The following MAPK6 variants were observed in gnomAD, a reference collection of about 807,000 sequenced individuals.
MAPK6 encodes the protein ERK-3.
In MAPK6, 19 loss-of-function variants were observed where a neutral mutation model predicts 59.3. That is an observed-to-expected ratio of 0.32 (90% CI 0.22 to 0.47). MAPK6 has a LOEUF of 0.47. Among genes scored for constraint, MAPK6 ranks in the 20% least tolerant of loss-of-function variants. The probability of loss-of-function intolerance (pLI) is 1.00; values close to 1 mark genes in which losing one functional copy is unlikely to be tolerated. For synonymous variants in MAPK6, 316 were observed against 290.3 expected (o/e 1.09, Z -0.90); for missense variants, 724 against 847.9 (o/e 0.85, Z 1.81).
rs2032202586 is a variant in MAPK6, at chr15:52,061,596, A to G, written c.1067+96A>G. 39 of 937,044 alleles carry G rather than the reference A, an allele frequency of 4.2e-5. No individual in the cohort carries two copies. In the South Asian group the frequency reaches 6.7e-4, roughly 16 times the overall value. The allele number at this position is 937,044 out of a possible 1,614,324, so 58.0% of individuals were successfully genotyped here. On this transcript the variant is annotated intron_variant, in intron 5 of 5. Transcript: ENST00000261845. ...TAAAATTATGTATAAGACATTGTAG[A>G]AGTCTTAAAAATTTAGTAATGTAAA...
chr15:52,033,124 T>C (rs1186946041), intron 1 of MAPK6, among the ~76,000 whole-genome samples: 18 of 152,248 alleles, frequency 1.2e-4, no homozygotes, highest in Non-Finnish European at 1.9e-4. Flanking sequence ...TCTACTTTTG[T>C]CTTTTCTTTG....
intron 2 of MAPK6, among the ~76,000 whole-genome samples, chr15:51,987,459 A>T (rs1389903579): frequency 4.0e-5 from 6 of 151,792 alleles, no homozygotes; most frequent in Admixed American, 2.6e-4. Flanking sequence ...ACAAAAATTA[A>T]CCGGGCATGG....
chr15:52,019,668 C>T (rs1437790475), intron 1 of MAPK6, among the ~76,000 whole-genome samples: 1 of 147,512 alleles, frequency 6.8e-6, no homozygotes, highest in Non-Finnish European at 1.5e-5. Flanking sequence ...GCCAGCGCGC[C>T]CCTCCCACCC....
At position 52,066,690 on chromosome 15, in the gene MAPK6, A is replaced by G. The variant is rs772379137; in HGVS notation, c.*1690A>G. ...TTCATCCTTGTTTTGTACAACACCA[A>G]TTCTATTAATATCTGCCCACCTACC... On this transcript the variant is annotated 3_prime_UTR_variant, in exon 6 of 6. Coordinates refer to ENST00000261845, the MANE Select transcript of MAPK6 (RefSeq NM_002748.4). 1.3e-5 allele frequency: 2 copies of G among 151,382 alleles called. No individual in the cohort carries two copies. The highest frequency in any genetic ancestry group is 2.9e-5 in the Non-Finnish European group (2 of 67,924). 9.4% of individuals were successfully genotyped at this position (151,382 alleles called of 1,614,324 possible).
chr15:52,063,693 G>T (rs2032297726), intron 5 of MAPK6, among the ~76,000 whole-genome samples: 1 of 152,194 alleles, frequency 6.6e-6, no homozygotes, highest in South Asian at 2.1e-4. Flanking sequence ...AATTGGAAAT[G>T]AAGTTACATA....
intron 1 of MAPK6, among the ~76,000 whole-genome samples, chr15:51,975,126 G>A (rs1047460345): frequency 6.6e-6 from 1 of 151,882 alleles, no homozygotes; most frequent in Non-Finnish European, 1.5e-5. Context: ...GGTGAAGCTA[G>A]ATCCTCAGAA....
At position 52,065,874 on chromosome 15, in the gene MAPK6, A is replaced by G. The variant is rs1350826072; in HGVS notation, c.*874A>G. On this transcript the variant is annotated 3_prime_UTR_variant, in exon 6 of 6. Transcript: ENST00000261845. ...ATTTTAAGTAACGTGCTCACTGTGT[A>G]TAGGAATTTGTATTTTGGAGGTGCT... The G allele has an allele frequency of 6.6e-6, 1 of 152,634 alleles. No individual in the cohort carries two copies. The highest frequency in any genetic ancestry group is 1.5e-5 in the Non-Finnish European group (1 of 68,038). The allele number at this position is 152,634 out of a possible 1,614,324, so 9.5% of individuals were successfully genotyped here.
chr15:51,975,439 G>T (rs2057154578), intron 1 of MAPK6, among the ~76,000 whole-genome samples: 1 of 151,490 alleles, frequency 6.6e-6, no homozygotes, highest in Non-Finnish European at 1.5e-5. Context: ...TACTCAGGAG[G>T]CTGAGGCAGG....
chr15:52,065,906 A>AGCACC lies in MAPK6; in HGVS notation c.*906_*907insGCACC, dbSNP rs2032405077. 1 of 152,618 alleles carries AGCACC rather than the reference A, an allele frequency of 6.6e-6. No individual in the cohort carries two copies. The highest frequency in any genetic ancestry group is 1.5e-5 in the Non-Finnish European group (1 of 68,032). 9.5% of individuals were successfully genotyped at this position (152,618 alleles called of 1,614,324 possible). A position where few individuals can be genotyped will look rare whatever the true frequency, so the allele number is the denominator to read the frequency against. On this transcript the variant is annotated 3_prime_UTR_variant, in exon 6 of 6. Coordinates refer to ENST00000261845, the MANE Select transcript of MAPK6 (RefSeq NM_002748.4). ...TTTGTATTTTGGAGGTGCTTGATCT[A>AGCACC]TCTACAAAGAAAAATTAATTAGGAA...
In MAPK6 at chr15:51,985,616, T is replaced by C. The variant is rs576686125; in HGVS notation, c.-770+2301T>C. 1.8e-4 allele frequency among the ~76,000 whole-genome samples: 26 copies of C among 145,466 alleles called. 1 individual carries two copies. In the South Asian group the frequency reaches 4.2e-3, roughly 24 times the overall value. On this transcript the variant is annotated intron_variant, in intron 2 of 7. Coordinates refer to the MAPK6 transcript ENST00000691380. ...GTTGCAGTGAGCTGAGATTGCACCA[T>C]TGCACTCCAACCTGGGTGACAGAGC...
In MAPK6 at chr15:52,046,695, A is replaced by G; in HGVS notation, c.235A>G (p.Lys79Glu). 2 of 1,614,212 alleles carry G rather than the reference A, an allele frequency of 1.2e-6. No homozygotes were observed. The highest frequency in any genetic ancestry group is 8.5e-7 in the Non-Finnish European group (1 of 1,180,020). Reference protein sequence around the residue: ...IRRLDHDNIVKVFEILGPSGS... With the variant: ...IRRLDHDNIVEVFEILGPSGS... ...AAGACTTGACCATGATAACATTGTG[A>G]AAGTGTTTGAGATTCTTGGTCCCAG... The change falls in exon 2 of 6, where the codon AAA becomes GAA. Residue 79 changes from lysine (K) to glutamate (E), a missense_variant. Physicochemically the swap from Lys to Glu is moderately conservative, Grantham distance 56. Coordinates refer to ENST00000261845, the MANE Select transcript of MAPK6 (RefSeq NM_002748.4).
At chr15:52,000,832 A>G (rs961742678) in intron 2 of MAPK6, among the ~76,000 whole-genome samples, 2 of 152,008 alleles carry the variant, frequency 1.3e-5, no homozygotes, top group African/African-American at 2.4e-5. Context: ...CTTTAGGGGT[A>G]CAGTTGTTTT....
At chr15:51,986,319 G>A (rs184746317) in intron 2 of MAPK6, among the ~76,000 whole-genome samples, 1 of 152,188 alleles carries the variant, frequency 6.6e-6, no homozygotes, top group East Asian at 1.9e-4. Context: ...ATTTGGGTGG[G>A]GACACAGAAC....
chr15:52,041,450 C>A (rs957338179), intron 1 of MAPK6, among the ~76,000 whole-genome samples: 3 of 152,210 alleles, frequency 2.0e-5, no homozygotes, highest in South Asian at 4.1e-4. Flanking sequence ...CCCGCCTCAG[C>A]CTCCCAAAAT....
chr15:51,989,531 A>G (rs1353384511), intron 2 of MAPK6, among the ~76,000 whole-genome samples: 4 of 152,102 alleles, frequency 2.6e-5, no homozygotes, highest in Admixed American at 2.6e-4. Context: ...ATGGTCCCCA[A>G]CCCTTCTTTC....
chr15:52,044,632 C>T (rs1280754759), intron 1 of MAPK6, among the ~76,000 whole-genome samples: 1 of 150,932 alleles, frequency 6.6e-6, no homozygotes, highest in Non-Finnish European at 1.5e-5. Flanking sequence ...CTGAAAGAAC[C>T]AAGTTGCATT....
intron 3 of MAPK6, among the ~76,000 whole-genome samples, chr15:52,055,249 A>G (rs1446201041): frequency 6.6e-6 from 1 of 152,120 alleles, no homozygotes; most frequent in African/African-American, 2.4e-5. Context: ...CTCGACAAAA[A>G]ACAAAAATGT....
At chr15:52,051,143 C>T (rs1026408352) in intron 3 of MAPK6, among the ~76,000 whole-genome samples, 8 of 152,114 alleles carry the variant, frequency 5.3e-5, no homozygotes, top group South Asian at 2.1e-4. Flanking sequence ...CTGCAAGCTC[C>T]GCCTCCCAGG....
chr15:52,053,773 G>A (rs2031866713), intron 3 of MAPK6, among the ~76,000 whole-genome samples: 1 of 151,698 alleles, frequency 6.6e-6, no homozygotes, highest in Admixed American at 6.6e-5. Flanking sequence ...CTGAGTAGCT[G>A]GGATTACAGG....
Sources: allele counts gnomAD v4.1 joint callset (sites outside exome capture counted in the v4.1 genomes callset), GRCh38; gene constraint gnomAD v4.1.1; transcripts MANE v1.5; gene names NCBI Gene and HGNC (gene_info 2026-07-23, HGNC 2026-07-21).